HCN1: variants seen among roughly 807,000 people sequenced by gnomAD.
The protein encoded by HCN1 is hyperpolarization activated cyclic nucleotide gated potassium channel 1.
A neutral mutation model predicts 78.9 loss-of-function variants in HCN1; 13 were observed. That is an observed-to-expected ratio of 0.16 (90% CI 0.11 to 0.26). The LOEUF (loss-of-function observed/expected upper bound fraction) is 0.26, where lower values mean the gene tolerates loss of function less well. Ranked by LOEUF, HCN1 falls within the 10% of genes least tolerant of loss-of-function variation. HCN1 has a pLI of 1.00. For synonymous variants in HCN1, 552 were observed against 455.5 expected, an observed-to-expected ratio of 1.21 and a Z score of -2.70; for missense variants, 810 against 1,154.3, an observed-to-expected ratio of 0.70 and a Z score of 4.32.
intron 3 of HCN1, among the ~76,000 whole-genome samples, chr5:45,446,162 A>G (rs1740790519): frequency 6.6e-6 from 1 of 152,220 alleles, no homozygotes; most frequent in Non-Finnish European, 1.5e-5. Flanking sequence ...CGAATGTATA[A>G]CTAGAATAAC....
chr5:45,637,674 G>C (rs1745379995), intron 2 of HCN1, among the ~76,000 whole-genome samples: 1 of 151,760 alleles, frequency 6.6e-6, no homozygotes, highest in Non-Finnish European at 1.5e-5. Flanking sequence ...ATCTGAAACT[G>C]TTGAAAGGAA....
At chr5:45,389,434 A>G (rs77202103) in intron 4 of HCN1, among the ~76,000 whole-genome samples, 1 of 152,172 alleles carries the variant, frequency 6.6e-6, no homozygotes, top group Non-Finnish European at 1.5e-5. Context: ...TCCTAAAAAA[A>G]TAATGTAGTG....
At chr5:45,451,478 T>C (rs577365250) in intron 3 of HCN1, among the ~76,000 whole-genome samples, 5 of 152,130 alleles carry the variant, frequency 3.3e-5, no homozygotes, top group Admixed American at 1.3e-4. Flanking sequence ...TTTTCTCTTC[T>C]TTTTCCTTAA....
At position 45,347,750 on chromosome 5, in the gene HCN1, G is replaced by C. The variant is rs547306209; in HGVS notation, c.1377+5350C>G. On this transcript the variant is annotated intron_variant, in intron 5 of 7. Transcript: ENST00000303230. ...CCTCAGGAGCCGATGCGATCAACTG[G>C]AAGAAAGGGTATCAGTGATGGAAGA... Among the ~76,000 whole-genome samples the C allele has an allele frequency of 5.8e-4, 89 of 152,300 alleles. No individual in the cohort carries two copies. In the South Asian group the frequency reaches 0.018, roughly 31 times the overall value.
chr5:45,537,310 C>T (rs1176182222), intron 2 of HCN1, among the ~76,000 whole-genome samples: 1 of 151,790 alleles, frequency 6.6e-6, no homozygotes, highest in Non-Finnish European at 1.5e-5. Flanking sequence ...AAAGTTTTAC[C>T]AAGTAAAATC....
At chr5:45,686,468 T>TA (rs761821761) in intron 1 of HCN1, among the ~76,000 whole-genome samples, 2 of 152,186 alleles carry the variant, frequency 1.3e-5, no homozygotes, top group Non-Finnish European at 2.9e-5. Flanking sequence ...AAACCACATT[T>TA]ACGTTTCTCC....
chr5:45,633,039 C>G (rs1252649095), intron 2 of HCN1, among the ~76,000 whole-genome samples: 3 of 151,884 alleles, frequency 2.0e-5, no homozygotes, highest in Non-Finnish European at 4.4e-5. Flanking sequence ...GGTTAAGAGT[C>G]TCCTACAAGG....
chr5:45,605,765 T>C (rs1744713291), intron 2 of HCN1, among the ~76,000 whole-genome samples: 1 of 151,958 alleles, frequency 6.6e-6, no homozygotes, highest in African/African-American at 2.4e-5. Flanking sequence ...ATATTTACAA[T>C]TTTAAAGAGT....
chr5:45,285,557 C>T (rs1402458894), intron 6 of HCN1, among the ~76,000 whole-genome samples: 1 of 151,682 alleles, frequency 6.6e-6, no homozygotes, highest in Admixed American at 6.6e-5. Flanking sequence ...TGTATTCAGC[C>T]CTGAGTTATT....
At chr5:45,521,216 G>A (rs1288098631) in intron 2 of HCN1, among the ~76,000 whole-genome samples, 1 of 151,844 alleles carries the variant, frequency 6.6e-6, no homozygotes, top group African/African-American at 2.4e-5. Flanking sequence ...AGGGAGCCAA[G>A]AAAACAAAGG....
intron 2 of HCN1, among the ~76,000 whole-genome samples, chr5:45,549,159 A>G (rs1219367492): frequency 6.6e-6 from 1 of 152,166 alleles, no homozygotes; most frequent in Non-Finnish European, 1.5e-5. Context: ...TAAAGTTCAT[A>G]TGGAACCAAA....
chr5:45,388,164 G>C (rs1747966217), intron 4 of HCN1, among the ~76,000 whole-genome samples: 1 of 152,064 alleles, frequency 6.6e-6, no homozygotes, highest in Non-Finnish European at 1.5e-5. Context: ...AACTTCCTAA[G>C]AAATTCCAAG....
chr5:45,683,672 CTT>C (rs879673630), intron 1 of HCN1, among the ~76,000 whole-genome samples: 3 of 143,884 alleles, frequency 2.1e-5, no homozygotes, highest in Non-Finnish European at 1.5e-5. Flanking sequence ...TATGTTTTGT[CTT>C]TTTTTTTTTT....
rs1743880104 is a variant in HCN1, at chr5:45,573,684, A to G, written c.849+71501T>C. Among the ~76,000 whole-genome samples the G allele has an allele frequency of 1.3e-5, 2 of 152,076 alleles. 1 individual carries two copies. The highest frequency in any genetic ancestry group is 1.3e-4 in the Admixed American group (2 of 15,238). On this transcript the variant is annotated intron_variant, in intron 2 of 7. Coordinates refer to ENST00000303230, the MANE Select transcript of HCN1 (RefSeq NM_021072.4). Reference sequence around the variant, plus strand: ...CCATCCCATTCACTATATACTTAAAAAAAATCTATGAGGGTTGAAAATATT... The same window carrying G: ...CCATCCCATTCACTATATACTTAAAGAAAATCTATGAGGGTTGAAAATATT...
chr5:45,582,828 A>C (rs910440310), intron 2 of HCN1, among the ~76,000 whole-genome samples: 1 of 152,032 alleles, frequency 6.6e-6, no homozygotes, highest in Non-Finnish European at 1.5e-5. Context: ...ACATTTATTG[A>C]TTTGTGTATG....
chr5:45,428,102 T>C (rs187627777), intron 3 of HCN1, among the ~76,000 whole-genome samples: 1 of 152,148 alleles, frequency 6.6e-6, no homozygotes, highest in Admixed American at 6.5e-5. Context: ...CTTCTATTCT[T>C]TATCTATGGA....
At chr5:45,462,854 G>T (rs1266733462) in intron 2 of HCN1, among the ~76,000 whole-genome samples, 1 of 151,950 alleles carries the variant, frequency 6.6e-6, no homozygotes, top group Non-Finnish European at 1.5e-5. Context: ...TTCAGAATGT[G>T]AGTCCTTTCT....
intron 2 of HCN1, among the ~76,000 whole-genome samples, chr5:45,536,777 A>G (rs1000811039): frequency 2.0e-5 from 3 of 152,190 alleles, no homozygotes; most frequent in Non-Finnish European, 4.4e-5. Flanking sequence ...TTGAAAGAAA[A>G]TCTGGATTTT....
intron 5 of HCN1, among the ~76,000 whole-genome samples, chr5:45,312,712 A>T (rs747064017): frequency 5.3e-5 from 8 of 152,228 alleles, no homozygotes. Flanking sequence ...GCACACCAGG[A>T]GATTATATCC....
Sources: gnomAD v4.1 joint callset for allele counts (sites outside exome capture counted in the v4.1 genomes callset) on GRCh38, gnomAD v4.1.1 for gene constraint, MANE v1.5 for transcripts, NCBI Gene and HGNC (gene_info 2026-07-23, HGNC 2026-07-21) for gene names.